Variants in TRPV1 observed in about 807,000 individuals in gnomAD.
TRPV1 encodes OTRPC1.
A neutral mutation model predicts 82.3 loss-of-function variants in TRPV1; 82 were observed. The ratio of observed to expected loss-of-function variants is 1.00; its 90% confidence interval spans 0.83 to 1.20. The LOEUF is 1.20. TRPV1 is among the 50% of genes most tolerant of loss of function. The probability of loss-of-function intolerance (pLI) is 0.00; values close to 1 mark genes in which losing one functional copy is unlikely to be tolerated. For missense variants in TRPV1, 1,067 were observed against 1,096.8 expected (o/e 0.97, Z 0.38); for synonymous variants, 515 against 467.7 (o/e 1.10, Z -1.30).
intron 2 of TRPV1, among the ~76,000 whole-genome samples, chr17:3,598,044 C>T (rs953562568): frequency 2.0e-5 from 3 of 152,204 alleles, no homozygotes; most frequent in Non-Finnish European, 2.9e-5. Flanking sequence ...AAGAGAGAAA[C>T]GCACAGGAGA....
chr17:3,581,570 C>A (rs1003900583), intron 10 of TRPV1, among the ~76,000 whole-genome samples: 1 of 152,024 alleles, frequency 6.6e-6, no homozygotes, highest in Non-Finnish European at 1.5e-5. Context: ...AGAGCTTATA[C>A]CAAAAAAGAC....
chr17:3,599,352 T>C (rs1389285909), intron 2 of TRPV1, among the ~76,000 whole-genome samples: 2 of 152,208 alleles, frequency 1.3e-5, no homozygotes, highest in Non-Finnish European at 2.9e-5. Flanking sequence ...ATTCACACTG[T>C]TGTACAACCA....
intron 10 of TRPV1, 127 bp downstream of exon 10, chr17:3,583,211 T>C (rs1374786005): frequency 2.4e-6 from 2 of 849,426 alleles, no homozygotes; most frequent in Non-Finnish European, 3.6e-6. Flanking sequence ...CACCTCTGCG[T>C]CTCTCAGCTC....
At chr17:3,575,852 T>A (rs558241762) in intron 13 of TRPV1, among the ~76,000 whole-genome samples, 1 of 152,068 alleles carries the variant, frequency 6.6e-6, no homozygotes, top group Admixed American at 6.6e-5. Context: ...TTGAGAAACA[T>A]TGTCAAAACC....
rs2075150767 is a variant in TRPV1 at position 3,591,060 on chromosome 17, G to A, written c.508C>T (p.Gln170Ter). 3 of 1,613,062 alleles carry A rather than the reference G, an allele frequency of 1.9e-6. No individual in the cohort carries two copies. Among genetic ancestry groups the A allele is most frequent in the South Asian group, 2.2e-5 (2 of 90,824 alleles). Residue 170 changes from glutamine (Q) to a stop codon, truncating the protein, a stop_gained, in exon 5 of 17, where the codon CAG becomes TAG. Coordinates refer to ENST00000572705, the MANE Select transcript of TRPV1 (RefSeq NM_080704.4). LOFTEE classifies it high-confidence loss of function. Reference protein sequence around the residue: ...LKAMLNLHDGQNTTIPLLLEI... With the variant: ...LKAMLNLHDG ...AGGAGCAGGGGGATGGTGGTGTTCT[G>A]TCCGTCGTGCAGGTTGAGCATGGCT...
intron 14 of TRPV1, 101 bp downstream of exon 14, chr17:3,573,532 G>GCTCCCCC: frequency 7.8e-6 from 2 of 257,076 alleles, no homozygotes; most frequent in South Asian, 6.0e-5. Context: ...GCCACACACC[G>GCTCCCCC]CCCCCACCAC....
In TRPV1 at chr17:3,566,760, G is replaced by A. The variant is rs199502095; in HGVS notation, c.*55C>T. 1.3e-5 allele frequency: 21 copies of A among 1,581,104 alleles called. No individual in the cohort carries two copies. Among genetic ancestry groups the A allele is most frequent in the South Asian group, 2.3e-5 (2 of 86,336 alleles). ...ACTGGTGTTCCCTCAGCAGCCCCCC[G>A]TGGCAACGGGGTCTCCTAAGGCCCA... On this transcript the variant is annotated 3_prime_UTR_variant, in exon 17 of 17. Transcript: ENST00000572705.
chr17:3,566,689 G>T lies in TRPV1; in HGVS notation c.*126C>A. 8.4e-7 allele frequency: 1 copy of T among 1,196,984 alleles called. No homozygotes were observed. Among genetic ancestry groups the T allele is most frequent in the Non-Finnish European group, 1.2e-6 (1 of 868,774 alleles). 74.1% of individuals were successfully genotyped at this position (1,196,984 alleles called of 1,614,324 possible). A position where few individuals can be genotyped will look rare whatever the true frequency, so the allele number is the denominator to read the frequency against. ...CCACAGCTTGTCCAGCACAGATTTG[G>T]GAACATGCTGGGCAGGCACAGACCA... On this transcript the variant is annotated 3_prime_UTR_variant, in exon 17 of 17. Coordinates refer to ENST00000572705, the MANE Select transcript of TRPV1 (RefSeq NM_080704.4).
intron 2 of TRPV1, among the ~76,000 whole-genome samples, chr17:3,593,760 A>G (rs2075190213): frequency 6.6e-6 from 1 of 152,032 alleles, no homozygotes; most frequent in African/African-American, 2.4e-5. Flanking sequence ...GCTATCTGTC[A>G]CTGATTTATC....
intron 12 of TRPV1, 81 bp downstream of exon 12, chr17:3,577,517 G>T: frequency 6.8e-7 from 1 of 1,468,494 alleles, no homozygotes; most frequent in South Asian, 1.2e-5. Flanking sequence ...CAGAGAGGAT[G>T]GGCGGAGTTC....
At chr17:3,571,311 C>A (rs56005413) in intron 16 of TRPV1, among the ~76,000 whole-genome samples, 9,525 of 152,238 alleles carry the variant, frequency 0.063, 418 homozygotes, top group African/African-American at 0.12. Flanking sequence ...CCCAGTGAGC[C>A]GTCAGCCATC....
Position 3,583,405 on chromosome 17 carries a change from C to A in TRPV1, c.1409G>T (p.Gly470Val). Residue 470 changes from glycine (G) to valine (V), a missense_variant, in exon 10 of 17, where the codon GGA becomes GTA. Physicochemically the swap from Gly to Val is moderately radical, Grantham distance 109 (BLOSUM62 -3). Transcript: ENST00000572705. ...GLPPFKMEKT[G>V]DYFRVTGEIL... ...CTCTCCAGTAACTCGGAAATAGTCT[C>A]CAGTTTTTTCCATCTTAAAGGGAGG... The A allele has an allele frequency of 6.2e-7, 1 of 1,608,108 alleles. No homozygotes were observed.
intron 16 of TRPV1, 72 bp downstream of exon 16, chr17:3,571,452 C>G: frequency 7.8e-7 from 1 of 1,279,462 alleles, no homozygotes; most frequent in Non-Finnish European, 1.1e-6. Context: ...CGTGGGGAAC[C>G]TGCAAAGCTC....
At chr17:3,601,150 T>C (rs564393755) in intron 2 of TRPV1, among the ~76,000 whole-genome samples, 147 of 152,208 alleles carry the variant, frequency 9.7e-4, no homozygotes, top group Non-Finnish European at 1.6e-3. Flanking sequence ...GTGCCCTTTG[T>C]GACCTCCAGC....
chr17:3,572,397 T>C, intron 14 of TRPV1, 148 bp from the exon 15 acceptor site: 1 of 1,035,160 alleles, frequency 9.7e-7, no homozygotes, highest in Non-Finnish European at 1.4e-6. Flanking sequence ...GCTAGCTTTG[T>C]TTCTGTAGCC....
In TRPV1 at chr17:3,580,450, C is replaced by G. The variant is rs2074992434; in HGVS notation, c.1547+7G>C. The G allele has an allele frequency of 6.2e-7, 1 of 1,613,886 alleles. No homozygotes were observed. Among genetic ancestry groups the G allele is most frequent in the Admixed American group, 1.7e-5 (1 of 59,996 alleles). On this transcript the variant is annotated splice_region_variant and intron_variant, in intron 11 of 16. Transcript: ENST00000572705. ...CTGGACTGGGAATGAGTCAAAGTGT[C>G]ACTTACAAAAGCATCTCACTGTAGC...
rs1029737932 is a variant in TRPV1 at position 3,590,056 on chromosome 17, C to G, written c.795G>C (p.Val265=). The G allele has an allele frequency of 1.9e-6, 3 of 1,596,738 alleles. No homozygotes were observed. The African/African-American group carries it at 4.0e-5, about 21-fold the overall frequency. ...LAACTNQLGI[V]KFLLQNSWQT... ...GCCAGGAGTTCTGCAGCAGGAACTT[C>G]ACGATGCCCAGCTGGTTGGTGCACG... Residue 265 remains valine, a synonymous_variant, in exon 7 of 17, where the codon GTG becomes GTC. Coordinates refer to ENST00000572705, the MANE Select transcript of TRPV1 (RefSeq NM_080704.4).
At chr17:3,571,999 T>C in intron 15 of TRPV1, 123 bp downstream of exon 15, 2 of 1,289,172 alleles carry the variant, frequency 1.6e-6, no homozygotes, top group South Asian at 1.4e-5. Context: ...TCCCTACAGC[T>C]GGCATTGGGA....
intron 11 of TRPV1, among the ~76,000 whole-genome samples, chr17:3,579,005 C>T (rs9902581): frequency 0.24 from 36,075 of 151,820 alleles, 4,615 homozygotes; most frequent in South Asian, 0.29. Context: ...ACGGGAACAA[C>T]AAACACTTAG....
Sources: allele counts gnomAD v4.1 joint callset (sites outside exome capture counted in the v4.1 genomes callset), GRCh38; gene constraint gnomAD v4.1.1; transcripts MANE v1.5; gene names NCBI Gene and HGNC (gene_info 2026-07-23, HGNC 2026-07-21).